The following SLC4A10 variants were observed in gnomAD, a reference collection of about 807,000 sequenced individuals.
The protein encoded by SLC4A10 is solute carrier family 4 member 10.
In SLC4A10, 42 loss-of-function variants were observed where a neutral mutation model predicts 137.7. The ratio of observed to expected loss-of-function variants is 0.30; its 90% confidence interval spans 0.24 to 0.39. The LOEUF (loss-of-function observed/expected upper bound fraction) is 0.39. SLC4A10 is among the 10% of genes least tolerant of loss of function. The probability of loss-of-function intolerance (pLI) is 1.00; values close to 1 mark genes in which losing one functional copy is unlikely to be tolerated. For synonymous variants in SLC4A10, 474 were observed against 464.1 expected (o/e 1.02, Z -0.27); for missense variants, 925 against 1,355.0 (o/e 0.68, Z 4.98).
chr2:161,925,332 C>T (rs770010390), intron 15 of SLC4A10, among the ~76,000 whole-genome samples: 108 of 152,092 alleles, frequency 7.1e-4, no homozygotes, highest in Non-Finnish European at 1.4e-3. Context: ...AGTTTATTTG[C>T]GTAGAGGTGT....
chr2:161,784,450 C>A (rs2053397990), intron 2 of SLC4A10, among the ~76,000 whole-genome samples: 1 of 151,836 alleles, frequency 6.6e-6, no homozygotes, highest in Non-Finnish European at 1.5e-5. Context: ...AATACACATT[C>A]TTCTCAAGTG....
At chr2:161,876,184 G>T (rs1383941902) in intron 8 of SLC4A10, among the ~76,000 whole-genome samples, 1 of 152,080 alleles carries the variant, frequency 6.6e-6, no homozygotes, top group East Asian at 1.9e-4. Flanking sequence ...GAAGAGTATA[G>T]CTCGATTTCT....
chr2:161,846,728 G>T (rs2059521334), intron 4 of SLC4A10, among the ~76,000 whole-genome samples: 1 of 152,102 alleles, frequency 6.6e-6, no homozygotes. Context: ...AATCTCAAAA[G>T]GTTGCAAACT....
At chr2:161,781,139 A>G (rs922538873) in intron 2 of SLC4A10, among the ~76,000 whole-genome samples, 1 of 152,044 alleles carries the variant, frequency 6.6e-6, no homozygotes, top group Admixed American at 6.6e-5. Flanking sequence ...TCAGAACCAC[A>G]AATTTTCAAA....
At chr2:161,709,971 G>A (rs2125055052) in intron 1 of SLC4A10, 1 of 151,582 alleles carries the variant, frequency 6.6e-6, no homozygotes, top group East Asian at 1.9e-4. Context: ...TTATGATTCT[G>A]TAGCCTGATT....
chr2:161,828,654 T>G (rs922214983), intron 3 of SLC4A10, among the ~76,000 whole-genome samples: 10 of 146,442 alleles, frequency 6.8e-5, no homozygotes, highest in Non-Finnish European at 1.2e-4. Flanking sequence ...TCTCTGGTAT[T>G]TTTTCATCCT....
chr2:161,917,575 C>CT (rs1294529912), intron 15 of SLC4A10, among the ~76,000 whole-genome samples: 1 of 135,912 alleles, frequency 7.4e-6, no homozygotes, highest in African/African-American at 2.8e-5. Context: ...GAGACCCTGT[C>CT]TAAAAAAAAA....
At chr2:161,908,959 T>C (rs1479802041) in intron 15 of SLC4A10, among the ~76,000 whole-genome samples, 3 of 151,110 alleles carry the variant, frequency 2.0e-5, no homozygotes. Context: ...AAAGCTAAAA[T>C]AGCTTTATGT....
intron 1 of SLC4A10, among the ~76,000 whole-genome samples, chr2:161,637,436 G>C (rs2105457087): frequency 6.6e-6 from 1 of 152,002 alleles, no homozygotes; most frequent in South Asian, 2.1e-4. Flanking sequence ...CCTGACCTCA[G>C]GTGATCCGCC....
intron 1 of SLC4A10, among the ~76,000 whole-genome samples, chr2:161,726,471 G>A (rs914224868): frequency 2.6e-5 from 4 of 152,234 alleles, no homozygotes; most frequent in Middle Eastern, 3.4e-3. Flanking sequence ...AAAAATTGAC[G>A]AAATTTTGTA....
At chr2:161,770,719 A>T (rs911813806) in intron 1 of SLC4A10, among the ~76,000 whole-genome samples, 2 of 151,902 alleles carry the variant, frequency 1.3e-5, no homozygotes, top group African/African-American at 4.8e-5. Context: ...TCTCACTGAC[A>T]AATGGTGCCA....
chr2:161,794,594 T>G lies in SLC4A10; in HGVS notation c.131-9855T>G, dbSNP rs80243756. On this transcript the variant is annotated intron_variant, in intron 2 of 26. Coordinates refer to ENST00000446997, the MANE Select transcript of SLC4A10 (RefSeq NM_001178015.2). ...GAAAAAGTCTAATATACTAGCCTTA[T>G]TGAGGTAAATTGATCAGTTCACATT... 8.6e-3 allele frequency among the ~76,000 whole-genome samples: 1,308 copies of G among 152,202 alleles called. 15 individuals carry two copies. Among genetic ancestry groups the G allele is most frequent in the Non-Finnish European group, 0.015 (997 of 67,998 alleles).
chr2:161,825,821 G>C (rs62187701), intron 3 of SLC4A10, among the ~76,000 whole-genome samples: 10,108 of 152,194 alleles, frequency 0.066, 442 homozygotes, highest in East Asian at 0.15. Context: ...AGCTCTTTCC[G>C]AAGAACTCTA....
At chr2:161,762,100 G>A (rs2050309181) in intron 1 of SLC4A10, among the ~76,000 whole-genome samples, 1 of 151,990 alleles carries the variant, frequency 6.6e-6, no homozygotes, top group South Asian at 2.1e-4. Context: ...TTTAGAAAGG[G>A]ACTTAAATGC....
chr2:161,673,399 G>A (rs182045862), intron 1 of SLC4A10, among the ~76,000 whole-genome samples: 93 of 152,246 alleles, frequency 6.1e-4, no homozygotes, highest in African/African-American at 2.2e-3. Flanking sequence ...CCAAATGTAG[G>A]TAGTATTTTA....
chr2:161,716,784 A>C (rs894802147), intron 1 of SLC4A10, among the ~76,000 whole-genome samples: 1 of 152,124 alleles, frequency 6.6e-6, no homozygotes, highest in African/African-American at 2.4e-5. Context: ...TGTCTTGACT[A>C]TACCAGCTCT....
At chr2:161,874,050 A>C in intron 8 of SLC4A10, 45 bp downstream of exon 8, 2,370 of 1,494,936 alleles carry the variant, frequency 1.6e-3, no homozygotes, top group Non-Finnish European at 2.0e-3. Flanking sequence ...TTCAAAGCTC[A>C]TTTCACTGTA....
At chr2:161,731,592 C>T (rs1052733104) in intron 1 of SLC4A10, among the ~76,000 whole-genome samples, 1 of 152,034 alleles carries the variant, frequency 6.6e-6, no homozygotes, top group Non-Finnish European at 1.5e-5. Flanking sequence ...ATAATAGATG[C>T]TTACAGCTTT....
chr2:161,948,656 G>T (rs906686052), intron 17 of SLC4A10, among the ~76,000 whole-genome samples: 1 of 152,032 alleles, frequency 6.6e-6, no homozygotes, highest in Non-Finnish European at 1.5e-5. Context: ...CCACTCTGTT[G>T]TGTACATTCC....
Sources: gnomAD v4.1 joint callset for allele counts (sites outside exome capture counted in the v4.1 genomes callset) on GRCh38, gnomAD v4.1.1 for gene constraint, MANE v1.5 for transcripts, NCBI Gene and HGNC (gene_info 2026-07-23, HGNC 2026-07-21) for gene names.